The following FAM220A variants were observed in gnomAD, a reference collection of about 807,000 sequenced individuals.
FAM220A encodes protein FAM220A.
For missense variants in FAM220A, 392 were observed against 321.6 expected, an observed-to-expected ratio of 1.22 and a Z score of -1.68; for synonymous variants, 141 against 130.7, an observed-to-expected ratio of 1.08 and a Z score of -0.54.
At position 6,330,058 on chromosome 7, in the gene FAM220A, T is replaced by G. The variant is rs1273556712; in HGVS notation, c.*317A>C. The G allele has an allele frequency of 3.1e-6, 1 of 319,516 alleles. No individual in the cohort carries two copies. Among genetic ancestry groups the G allele is most frequent in the African/African-American group, 2.2e-5 (1 of 44,932 alleles). 19.8% of individuals were successfully genotyped at this position (319,516 alleles called of 1,614,324 possible). ...CACAGGATTTGGGACAGTAGCCCTTTAGAATGGATGTTGAAGACAGAACTT... is the reference window on the plus strand; with the variant it reads ...CACAGGATTTGGGACAGTAGCCCTTGAGAATGGATGTTGAAGACAGAACTT... On this transcript the variant is annotated 3_prime_UTR_variant, in exon 2 of 2. Coordinates refer to ENST00000313324, the MANE Select transcript of FAM220A (RefSeq NM_001037163.2).
chr7:6,333,094 T>A (rs1583236196), intron 1 of FAM220A, among the ~76,000 whole-genome samples: 1 of 148,382 alleles, frequency 6.7e-6, no homozygotes, highest in Non-Finnish European at 1.5e-5. Context: ...GAGGCAGAGG[T>A]TGCAGTGAGC....
chr7:6,333,835 G>T (rs1356673104), intron 1 of FAM220A, among the ~76,000 whole-genome samples: 3 of 146,242 alleles, frequency 2.1e-5, no homozygotes, highest in African/African-American at 7.6e-5. Flanking sequence ...TCGAACTCCT[G>T]GCCTCTTTTT....
chr7:6,338,597 G>A (rs943044495), intron 1 of FAM220A: 1 of 152,264 alleles, frequency 6.6e-6, no homozygotes, highest in African/African-American at 2.4e-5. Context: ...GCCGTGCCAG[G>A]GGAAACGAGG....
In FAM220A at chr7:6,330,987, T is replaced by A. The variant is rs777801261; in HGVS notation, c.168A>T (p.Ser56=). Residue 56 remains serine (S), a synonymous_variant, in exon 2 of 2, where the codon TCA becomes TCT. Transcript: ENST00000313324. ...TTTCCAGTGATAATGCCTCACTTTG[T>A]GAATTTCCATCAACCACAGGCTTAT... ...WMNKPVVDGN[S]QSEALSLEMR... The A allele has an allele frequency of 1.2e-6, 2 of 1,614,242 alleles. No homozygotes were observed. Among genetic ancestry groups the A allele is most frequent in the Non-Finnish European group, 8.5e-7 (1 of 1,180,042 alleles).
At chr7:6,332,152 A>C (rs1781650148) in intron 1 of FAM220A, among the ~76,000 whole-genome samples, 1 of 151,962 alleles carries the variant, frequency 6.6e-6, no homozygotes, top group South Asian at 2.1e-4. Flanking sequence ...CTTTGAAATG[A>C]ACAAAAAATA....
Position 6,348,790 on chromosome 7 carries a change from C to T in FAM220A, c.-299G>A. ...ACCGGCGCTCCCACAGCCCCCCCGC[C>T]CGCCCTCTCCGCGCCGCGTCGCCCC... On this transcript the variant is annotated 5_prime_UTR_variant, in exon 1 of 2. Transcript: ENST00000313324. 1 of 397,082 alleles carries T rather than the reference C, an allele frequency of 2.5e-6. No homozygotes were observed. The highest frequency in any genetic ancestry group is 4.4e-6 in the Non-Finnish European group (1 of 225,018). 24.6% of individuals were successfully genotyped at this position (397,082 alleles called of 1,614,324 possible).
chr7:6,341,026 C>A (rs1363715601), intron 1 of FAM220A, among the ~76,000 whole-genome samples: 1 of 148,930 alleles, frequency 6.7e-6, no homozygotes, highest in African/African-American at 2.5e-5. Flanking sequence ...AACCTACAGT[C>A]CCAGCTACTC....
intron 1 of FAM220A, among the ~76,000 whole-genome samples, chr7:6,346,570 A>G (rs554056565): frequency 6.6e-5 from 10 of 152,224 alleles, no homozygotes; most frequent in Admixed American, 4.6e-4. Context: ...TAGTAGAGAC[A>G]GGGTTTCACC....
At chr7:6,342,200 TTTTC>T (rs1427438038) in intron 1 of FAM220A, among the ~76,000 whole-genome samples, 14 of 152,192 alleles carry the variant, frequency 9.2e-5, no homozygotes, top group Non-Finnish European at 1.9e-4. Context: ...TTTTCTTTCT[TTTTC>T]TTTGTTTCTT....
rs1406406187 is a variant in FAM220A at position 6,348,764 on chromosome 7, G to C, written c.-273C>G. 2 of 399,062 alleles carry C rather than the reference G, an allele frequency of 5.0e-6. No homozygotes were observed. The highest frequency in any genetic ancestry group is 3.6e-5 in the East Asian group (1 of 28,060). The allele number at this position is 399,062 out of a possible 1,614,324, so 24.7% of individuals were successfully genotyped here. A position where few individuals can be genotyped will look rare whatever the true frequency, so the allele number is the denominator to read the frequency against. Reference sequence around the variant, plus strand: ...CCCGACAGAGCCGCCGCCATATAGAGACCGGCGCTCCCACAGCCCCCCCGC... The same window carrying C: ...CCCGACAGAGCCGCCGCCATATAGACACCGGCGCTCCCACAGCCCCCCCGC... On this transcript the variant is annotated 5_prime_UTR_variant, in exon 1 of 2. Coordinates refer to ENST00000313324, the MANE Select transcript of FAM220A (RefSeq NM_001037163.2).
At chr7:6,342,500 T>A (rs977232709) in intron 1 of FAM220A, among the ~76,000 whole-genome samples, 4 of 152,010 alleles carry the variant, frequency 2.6e-5, no homozygotes, top group African/African-American at 9.7e-5. Flanking sequence ...GATCACACCA[T>A]TGCACTGCAG....
chr7:6,333,641 G>A (rs988682496), intron 1 of FAM220A, among the ~76,000 whole-genome samples: 1 of 151,242 alleles, frequency 6.6e-6, no homozygotes, highest in Non-Finnish European at 1.5e-5. Context: ...TGGGATTACA[G>A]GCAGGCACCA....
chr7:6,347,027 C>T (rs1781964755), intron 1 of FAM220A, among the ~76,000 whole-genome samples: 1 of 152,150 alleles, frequency 6.6e-6, no homozygotes, highest in South Asian at 2.1e-4. Flanking sequence ...TTTCCTTCCA[C>T]TAGAAAAAGT....
intron 1 of FAM220A, among the ~76,000 whole-genome samples, chr7:6,334,459 C>G (rs1781706458): frequency 1.3e-5 from 2 of 151,910 alleles, no homozygotes; most frequent in Admixed American, 1.3e-4. Context: ...CAGCTTGAGT[C>G]CCAGAGGCTC....
At chr7:6,340,856 G>T (rs1583240154) in intron 1 of FAM220A, among the ~76,000 whole-genome samples, 1 of 134,444 alleles carries the variant, frequency 7.4e-6, no homozygotes, top group African/African-American at 2.9e-5. Flanking sequence ...CCGAGATGGC[G>T]CCACTGCACT....
At chr7:6,343,445 T>TATATATATATATA (rs1781902388) in intron 1 of FAM220A, among the ~76,000 whole-genome samples, 1 of 109,778 alleles carries the variant, frequency 9.1e-6, no homozygotes, top group African/African-American at 3.5e-5. Context: ...TATATATATA[T>TATATATATATATA]GATCTAGGAC....
intron 1 of FAM220A, among the ~76,000 whole-genome samples, chr7:6,344,561 G>C (rs1050848566): frequency 3.3e-5 from 5 of 151,994 alleles, no homozygotes; most frequent in Non-Finnish European, 5.9e-5. Flanking sequence ...TGGGACTATA[G>C]GCATGCACCA....
chr7:6,335,952 C>T (rs1163290247), intron 1 of FAM220A, among the ~76,000 whole-genome samples: 1 of 152,048 alleles, frequency 6.6e-6, no homozygotes, highest in East Asian at 1.9e-4. Flanking sequence ...ACGGATGGAT[C>T]ACTTGAGGAC....
At position 6,330,076 on chromosome 7, in the gene FAM220A, C is replaced by T; in HGVS notation, c.*299G>A. On this transcript the variant is annotated 3_prime_UTR_variant, in exon 2 of 2. Coordinates refer to ENST00000313324, the MANE Select transcript of FAM220A (RefSeq NM_001037163.2). ...AGCCCTTTAGAATGGATGTTGAAGACAGAACTTCATGGTAAATCCGTATGT... is the reference window on the plus strand; with the variant it reads ...AGCCCTTTAGAATGGATGTTGAAGATAGAACTTCATGGTAAATCCGTATGT... 2.9e-6 allele frequency: 1 copy of T among 347,536 alleles called. No individual in the cohort carries two copies. Among genetic ancestry groups the T allele is most frequent in the South Asian group, 3.8e-5 (1 of 26,190 alleles). 21.5% of individuals were successfully genotyped at this position (347,536 alleles called of 1,614,324 possible).
Sources: gnomAD v4.1 joint callset for allele counts (sites outside exome capture counted in the v4.1 genomes callset) on GRCh38, gnomAD v4.1.1 for gene constraint, MANE v1.5 for transcripts, NCBI Gene and HGNC (gene_info 2026-07-23, HGNC 2026-07-21) for gene names.